The following COX11 variants were observed in gnomAD, a reference collection of about 807,000 sequenced individuals.
The protein encoded by COX11 is cytochrome c oxidase assembly protein COX11, mitochondrial.
Under a neutral mutation model 29.4 loss-of-function variants are expected in COX11, and 18 were observed. The observed-to-expected ratio is 0.61, with a 90% CI of 0.42 to 0.91. COX11 has a LOEUF of 0.91. Ranked by LOEUF, COX11 falls within the 40% of genes least tolerant of loss-of-function variation. The pLI is 0.00. For synonymous variants in COX11, 131 were observed against 124.0 expected (o/e 1.06, Z -0.38); for missense variants, 312 against 346.0 (o/e 0.90, Z 0.78).
In COX11 at chr17:54,961,457, T is replaced by C. The variant is rs2077123307; in HGVS notation, c.*1276A>G. 1 of 1,473,768 alleles carries C rather than the reference T, an allele frequency of 6.8e-7. No homozygotes were observed. The highest frequency in any genetic ancestry group is 2.5e-5 in the East Asian group (1 of 40,004). The allele number at this position is 1,473,768 out of a possible 1,614,324, so 91.3% of individuals were successfully genotyped here. On this transcript the variant is annotated 3_prime_UTR_variant, in exon 4 of 4. Transcript: ENST00000299335. Reference sequence around the variant, plus strand: ...AACAGAACTTGTTTGGAACAAATACTCACTTAAAACTTCAGCAGAAGAAAA... The same window carrying C: ...AACAGAACTTGTTTGGAACAAATACCCACTTAAAACTTCAGCAGAAGAAAA...
chr17:54,954,141 C>T (rs981235053), exon 1 of COX11: 3 of 152,170 alleles, frequency 2.0e-5, no homozygotes, highest in African/African-American at 7.2e-5. Flanking sequence ...ACCAGGTTAT[C>T]AGCACACATA....
chr17:54,966,616 C>T (rs1169857361), intron 1 of COX11, among the ~76,000 whole-genome samples: 5 of 152,142 alleles, frequency 3.3e-5, no homozygotes, highest in Non-Finnish European at 7.4e-5. Context: ...CTTCACACAT[C>T]GCTAAATGTT....
chr17:54,963,222 C>T, intron 3 of COX11, 84 bp downstream of exon 3: 1 of 1,448,056 alleles, frequency 6.9e-7, no homozygotes, highest in Middle Eastern at 2.1e-4. Context: ...TCAGAAATCA[C>T]AAGATCTACT....
chr17:54,963,786 C>T (rs562807229), intron 2 of COX11, among the ~76,000 whole-genome samples: 1 of 152,122 alleles, frequency 6.6e-6, no homozygotes, highest in South Asian at 2.1e-4. Flanking sequence ...ACCTGAATGT[C>T]ATGATTGACT....
At position 54,968,509 on chromosome 17, in the gene COX11, G is replaced by A. The variant is rs2077318221; in HGVS notation, c.138C>T (p.Ala46=). 1.9e-6 allele frequency: 3 copies of A among 1,613,160 alleles called. No homozygotes were observed. The highest frequency in any genetic ancestry group is 1.7e-5 in the Admixed American group (1 of 59,994). The change falls in exon 1 of 4, where the codon GCC becomes GCT. Residue 46 remains alanine, a synonymous_variant. Coordinates refer to ENST00000299335, the MANE Select transcript of COX11 (RefSeq NM_004375.5). ...LRPEWSGTGG[A]ERGLRWLGTW... is the part of the protein sequence containing the mutation. ...TCCCAAGCCACCTCAGTCCTCTCTC[G>A]GCACCTCCTGTCCCACTCCACTCTG...
At chr17:54,953,663 A>G (rs954598526) in exon 1 of COX11, 86 of 152,436 alleles carry the variant, frequency 5.6e-4, no homozygotes, top group African/African-American at 1.9e-3. Flanking sequence ...TCACTCACCC[A>G]TGCCATCTTC....
At chr17:54,968,686 G>A, upstream of COX11, 2 of 1,583,854 alleles carry the variant, frequency 1.3e-6, no homozygotes, top group South Asian at 1.1e-5. Flanking sequence ...TCAGGGACGA[G>A]AGGTCAAATC....
intron 1 of COX11, among the ~76,000 whole-genome samples, chr17:54,965,278 T>C (rs2077198193): frequency 6.6e-6 from 1 of 152,258 alleles, no homozygotes; most frequent in African/African-American, 2.4e-5. Flanking sequence ...AATTTTTCCA[T>C]ATTCCTGTCT....
Position 54,960,727 on chromosome 17 carries a change from T to A in COX11, c.*2006A>T. On this transcript the variant is annotated 3_prime_UTR_variant, in exon 4 of 4. Coordinates refer to ENST00000299335, the MANE Select transcript of COX11 (RefSeq NM_004375.5). The stretch of plus-strand genomic sequence containing the variant: ...GTATTTAAATTTTCTAAGGGCCATC[T>A]GAGTCTGACACTTTGAAATATGAGT... 1 of 852,628 alleles carries A rather than the reference T, an allele frequency of 1.2e-6. No homozygotes were observed. Among genetic ancestry groups the A allele is most frequent in the Admixed American group, 2.0e-5 (1 of 50,486 alleles). 52.8% of individuals were successfully genotyped at this position (852,628 alleles called of 1,614,324 possible).
At chr17:54,959,074 A>T (rs990819690), downstream of COX11, 6 of 152,230 alleles carry the variant, frequency 3.9e-5, no homozygotes, top group African/African-American at 1.4e-4. Context: ...AGTTTCTACC[A>T]GAGAGTTTAG....
At position 54,962,288 on chromosome 17, in the gene COX11, T is replaced by C. The variant is rs1016716885; in HGVS notation, c.*445A>G. The C allele has an allele frequency of 2.3e-5, 23 of 985,516 alleles. No individual in the cohort carries two copies. Among genetic ancestry groups the C allele is most frequent in the African/African-American group, 1.0e-4 (6 of 57,224 alleles). 61.0% of individuals were successfully genotyped at this position (985,516 alleles called of 1,614,324 possible). A position where few individuals can be genotyped will look rare whatever the true frequency, so the allele number is the denominator to read the frequency against. On this transcript the variant is annotated 3_prime_UTR_variant, in exon 4 of 4. Coordinates refer to ENST00000299335, the MANE Select transcript of COX11 (RefSeq NM_004375.5). ...ACTGACTATTCATAATGAAGGAAAA[T>C]AGCAACCAACTCTTTTAGACACAAT...
downstream of COX11, among the ~76,000 whole-genome samples, chr17:54,960,033 G>A (rs1278364202): frequency 1.3e-5 from 2 of 151,990 alleles, no homozygotes; most frequent in Non-Finnish European, 2.9e-5. Flanking sequence ...AAATTAATTG[G>A]TTCTATGAAA....
intron 2 of COX11, chr17:54,964,490 C>T: frequency 1.8e-6 from 1 of 547,986 alleles, no homozygotes; most frequent in Non-Finnish European, 3.2e-6. Context: ...CCATAGACTA[C>T]TTTTTAATAG....
intron 1 of COX11, among the ~76,000 whole-genome samples, chr17:54,965,468 T>A (rs933575953): frequency 6.6e-6 from 1 of 152,218 alleles, no homozygotes; most frequent in Non-Finnish European, 1.5e-5. Context: ...GAGCACCTAA[T>A]CCCTATGGCC....
downstream of COX11, among the ~76,000 whole-genome samples, chr17:54,958,635 TAGG>T (rs2077017067): frequency 6.8e-6 from 1 of 148,118 alleles, no homozygotes; most frequent in Non-Finnish European, 1.5e-5. Context: ...GGAGGATGAA[TAGG>T]AGAATCGTTT....
At chr17:54,966,062 C>T (rs549622025) in intron 1 of COX11, among the ~76,000 whole-genome samples, 115 of 152,330 alleles carry the variant, frequency 7.5e-4, no homozygotes, top group Middle Eastern at 6.8e-3. Context: ...TACTGAATTA[C>T]ATTATATCCC....
chr17:54,958,748 A>AAAAAAAAAAAAAAAAAAAG (rs372776781), downstream of COX11, among the ~76,000 whole-genome samples: 2 of 118,956 alleles, frequency 1.7e-5, no homozygotes, highest in South Asian at 2.6e-4. Flanking sequence ...AAAAAAAAAA[A>AAAAAAAAAAAAAAAAAAAG]GGGGTTGTTG....
At chr17:54,965,233 C>T (rs2077197490) in intron 1 of COX11, among the ~76,000 whole-genome samples, 1 of 152,188 alleles carries the variant, frequency 6.6e-6, no homozygotes, top group Admixed American at 6.5e-5. Context: ...AAAATTTACC[C>T]ATGACCTTGT....
chr17:54,962,959 T>A, intron 3 of COX11, 44 bp from the exon 4 acceptor site: 1 of 1,521,022 alleles, frequency 6.6e-7, no homozygotes, highest in South Asian at 1.2e-5. Flanking sequence ...TATTCTCGTA[T>A]TACATAACAG....
Sources: allele counts gnomAD v4.1 joint callset (sites outside exome capture counted in the v4.1 genomes callset), GRCh38; gene constraint gnomAD v4.1.1; transcripts MANE v1.5; gene names NCBI Gene and HGNC (gene_info 2026-07-23, HGNC 2026-07-21).